The following ZNF761 variants were observed in gnomAD, a reference collection of about 807,000 sequenced individuals.
The protein encoded by ZNF761 is zinc finger protein 761.
ZNF761 carries 43 observed loss-of-function variants against 59.9 expected under a neutral mutation model. The ratio of observed to expected loss-of-function variants is 0.72; its 90% CI spans 0.56 to 0.92. The LOEUF is 0.92. Ranked by LOEUF, ZNF761 falls within the 40% of genes least tolerant of loss-of-function variation. The pLI is 0.00. For missense variants in ZNF761, 850 were observed against 906.1 expected (o/e 0.94, Z 0.79); for synonymous variants, 294 against 304.8 (o/e 0.96, Z 0.37).
rs2086234039 is a variant in ZNF761 at position 53,452,960 on chromosome 19, A to C, written c.143-1690A>C. On this transcript the variant is annotated intron_variant, in intron 4 of 4. Coordinates refer to ENST00000684525, the MANE Select transcript of ZNF761 (RefSeq NM_001289951.2). The stretch of plus-strand genomic sequence containing the variant: ...TTTTATTGTGCAATTTGATTTATAA[A>C]ATGTTTTCTCTGATCTTAGTTTAAA... Among the ~76,000 whole-genome samples, 3 of 152,260 alleles carry C rather than the reference A, an allele frequency of 2.0e-5. 1 individual carries two copies. The South Asian group carries it at 6.2e-4, about 32-fold the overall frequency.
intron 1 of ZNF761, chr19:53,443,651 G>A (rs1303782209): frequency 1.3e-5 from 2 of 152,110 alleles, no homozygotes; most frequent in African/African-American, 4.8e-5. Context: ...TCTAGTTTAA[G>A]ATACAATCAT....
intron 1 of ZNF761, chr19:53,444,598 C>T (rs2086135013): frequency 6.6e-6 from 1 of 152,248 alleles, no homozygotes; most frequent in Non-Finnish European, 1.5e-5. Context: ...ACTGAGGGAA[C>T]TCAGAGACCA....
intron 1 of ZNF761, chr19:53,444,890 A>C (rs2086139289): frequency 6.6e-6 from 1 of 151,948 alleles, no homozygotes; most frequent in South Asian, 2.1e-4. Context: ...AAGACTCTTT[A>C]TATTATGTCA....
intron 3 of ZNF761, among the ~76,000 whole-genome samples, chr19:53,448,520 T>G (rs1412804076): frequency 6.6e-6 from 1 of 152,228 alleles, no homozygotes; most frequent in Non-Finnish European, 1.5e-5. Flanking sequence ...TCACGTGTAT[T>G]TCTACATCGT....
At chr19:53,437,643 C>G (rs11668562) in intron 1 of ZNF761, among the ~76,000 whole-genome samples, 46,012 of 152,038 alleles carry the variant, frequency 0.3, 8,025 homozygotes, top group South Asian at 0.54. Flanking sequence ...CCTTTGGCTT[C>G]TGGCATCCTT....
rs551575907 is a variant in ZNF761, at chr19:53,447,126, A to G, written c.-73-70A>G. 35 of 1,020,164 alleles carry G rather than the reference A, an allele frequency of 3.4e-5. 1 individual carries two copies. In the East Asian group the frequency reaches 4.8e-4, roughly 14 times the overall value. The allele number at this position is 1,020,164 out of a possible 1,614,324, so 63.2% of individuals were successfully genotyped here. On this transcript the variant is annotated intron_variant, in intron 2 of 4. Transcript: ENST00000684525. ...TTTCCCAGGGTGAGGTCGCCTTTGT[A>G]TGTGTGGTTGTGTTCCACGGAGGTG... is the stretch of plus-strand genomic sequence containing the variant.
intron 1 of ZNF761, among the ~76,000 whole-genome samples, chr19:53,438,630 T>G (rs1487371714): frequency 6.6e-6 from 1 of 152,194 alleles, no homozygotes; most frequent in Non-Finnish European, 1.5e-5. Context: ...GTGAAAAACT[T>G]GGAATCCAGA....
chr19:53,456,739 A>G lies in ZNF761; in HGVS notation c.2232A>G (p.Lys744=). ...ATCGTAGACTTCATACTGGAGAAAA[A>G]CAAGTGTAATGAATGTGGTGAGGTT... ...TCHRRLHTGE[K]QV The change falls in exon 5 of 5, where the codon AAA becomes AAG. Residue 744 remains lysine (K), a synonymous_variant. Transcript: ENST00000684525. The G allele has an allele frequency of 3.7e-6, 6 of 1,613,748 alleles. No individual in the cohort carries two copies. The highest frequency in any genetic ancestry group is 5.1e-6 in the Non-Finnish European group (6 of 1,179,760).
Position 53,455,690 on chromosome 19 carries a change from T to C in ZNF761, c.1183T>C (p.Ser395Pro). The C allele has an allele frequency of 6.2e-7, 1 of 1,613,520 alleles. No individual in the cohort carries two copies. The highest frequency in any genetic ancestry group is 8.5e-7 in the Non-Finnish European group (1 of 1,179,934). Residue 395 changes from serine (S) to proline (P), a missense_variant, in exon 5 of 5, where the codon TCA (serine) becomes CCA (proline). Coordinates refer to ENST00000684525, the MANE Select transcript of ZNF761 (RefSeq NM_001289951.2). ...NECGKTFSHKSSLTCHRRLHT... is the reference protein window; with the variant it reads ...NECGKTFSHKPSLTCHRRLHT... ...GTGTGGCAAGACCTTTAGTCACAAG[T>C]CATCCCTTACATGCCATCGTAGACT...
chr19:53,432,245 A>G (rs1296889775), intron 1 of ZNF761, among the ~76,000 whole-genome samples: 2 of 152,102 alleles, frequency 1.3e-5, no homozygotes, highest in Middle Eastern at 3.2e-3. Context: ...CTACAGGGCA[A>G]TGTATACACT....
Position 53,455,866 on chromosome 19 carries a change from T to TA in ZNF761, c.1360dup (p.Thr454AsnfsTer5). ...AGACCTTTAGCCGGACATCATCCCTTACATGCCATCGTAGACGTCATACTG... is the reference window on the plus strand; with the variant it reads ...AGACCTTTAGCCGGACATCATCCCTTAACATGCCATCGTAGACGTCATACTG... On this transcript the variant is annotated frameshift_variant, in exon 5 of 5. Coordinates refer to ENST00000684525, the MANE Select transcript of ZNF761 (RefSeq NM_001289951.2). LOFTEE classifies it high-confidence loss of function. 6.2e-7 allele frequency: 1 copy of TA among 1,613,760 alleles called. No individual in the cohort carries two copies.
In ZNF761 at chr19:53,457,056, A is replaced by C. The variant is rs1224129720; in HGVS notation, c.*308A>C. The C allele has an allele frequency of 1.6e-6, 1 of 626,714 alleles. No individual in the cohort carries two copies. Among genetic ancestry groups the C allele is most frequent in the African/African-American group, 1.8e-5 (1 of 54,254 alleles). 38.8% of individuals were successfully genotyped at this position (626,714 alleles called of 1,614,324 possible). A position where few individuals can be genotyped will look rare whatever the true frequency, so the allele number is the denominator to read the frequency against. On this transcript the variant is annotated 3_prime_UTR_variant, in exon 5 of 5. Coordinates refer to ENST00000684525, the MANE Select transcript of ZNF761 (RefSeq NM_001289951.2). ...CCTGGCACAACATGCTAGAATTCAC[A>C]CTGGAGAGAAACCTTACCAGTGTAA... is the stretch of plus-strand genomic sequence containing the variant.
rs773471834 is a variant in ZNF761, at chr19:53,449,512, G to A, written c.16G>A (p.Gly6Ser). Residue 6 changes from glycine (G) to serine (S), a missense_variant and splice_region_variant, in exon 4 of 5, where the codon GGT (glycine) becomes AGT (serine). By Grantham distance (56) the Gly-to-Ser change is moderately conservative (BLOSUM62 0). Transcript: ENST00000684525. ...TGGTTAAAATGTGTTTTCATTTCAG[G>A]GTCTATTGACATTCAGGGATGTGGC... MAFSQ[G>S]LLTFRDVAIE... 1 of 1,613,802 alleles carries A rather than the reference G, an allele frequency of 6.2e-7. No homozygotes were observed. Among genetic ancestry groups the A allele is most frequent in the Admixed American group, 1.7e-5 (1 of 59,966 alleles).
intron 1 of ZNF761, chr19:53,444,249 G>C (rs1264987844): frequency 6.6e-6 from 1 of 152,210 alleles, no homozygotes; most frequent in East Asian, 1.9e-4. Context: ...TTGCAGTTGA[G>C]ATAAGAGGAA....
intron 1 of ZNF761, among the ~76,000 whole-genome samples, chr19:53,438,410 C>T (rs1186590362): frequency 1.3e-5 from 2 of 152,206 alleles, no homozygotes; most frequent in Non-Finnish European, 2.9e-5. Flanking sequence ...TGGGTGACGC[C>T]ATGATCCTAT....
At chr19:53,453,385 T>C (rs1244608227) in intron 4 of ZNF761, among the ~76,000 whole-genome samples, 1 of 152,188 alleles carries the variant, frequency 6.6e-6, no homozygotes, top group Non-Finnish European at 1.5e-5. Context: ...AGTTTTTATA[T>C]TGTGTGCTGG....
At chr19:53,432,095 T>A (rs1434430292) in intron 1 of ZNF761, 67 bp downstream of exon 1, 1 of 152,316 alleles carries the variant, frequency 6.6e-6, no homozygotes. Flanking sequence ...TACCTGGGAC[T>A]TGGGATCCCC....
intron 3 of ZNF761, among the ~76,000 whole-genome samples, chr19:53,447,798 A>G (rs926766069): frequency 7.9e-5 from 12 of 152,286 alleles, no homozygotes; most frequent in African/African-American, 2.9e-4. Flanking sequence ...TTAGAATGGA[A>G]AGTTCATACA....
intron 1 of ZNF761, among the ~76,000 whole-genome samples, chr19:53,439,016 C>G (rs760343060): frequency 3.0e-4 from 46 of 152,072 alleles, no homozygotes; most frequent in Admixed American, 3.9e-4. Flanking sequence ...GTTTGCGCCT[C>G]TCATCCCAAC....
Sources: gnomAD v4.1 joint callset for allele counts (sites outside exome capture counted in the v4.1 genomes callset) on GRCh38, gnomAD v4.1.1 for gene constraint, MANE v1.5 for transcripts, NCBI Gene and HGNC (gene_info 2026-07-23, HGNC 2026-07-21) for gene names.